The following SUMF1 variants were observed in gnomAD, a reference collection of about 807,000 sequenced individuals.
SUMF1 encodes sulfatase modifying factor 1.
In SUMF1, 48 loss-of-function variants were observed where a neutral mutation model predicts 47.6. The observed-to-expected ratio is 1.01, with a 90% CI of 0.80 to 1.28. The LOEUF is 1.28. Among genes scored for constraint, SUMF1 ranks in the 50% most tolerant of loss-of-function variants. The probability of loss-of-function intolerance (pLI) is 0.00; values close to 1 mark genes in which losing one functional copy is unlikely to be tolerated. For synonymous variants in SUMF1, 230 were observed against 192.1 expected, an observed-to-expected ratio of 1.20 and a Z score of -1.63; for missense variants, 571 against 485.4, an observed-to-expected ratio of 1.18 and a Z score of -1.66.
At chr3:4,055,309 A>G (rs1032718355) in intron 9 of SUMF1, among the ~76,000 whole-genome samples, 1 of 152,170 alleles carries the variant, frequency 6.6e-6, no homozygotes, top group Admixed American at 6.6e-5. Context: ...AGTGTTTACT[A>G]TATCTCAGAT....
At chr3:4,393,734 C>T (rs1008377203) in intron 7 of SUMF1, among the ~76,000 whole-genome samples, 3 of 152,056 alleles carry the variant, frequency 2.0e-5, no homozygotes, top group African/African-American at 7.2e-5. Flanking sequence ...CACATATTCT[C>T]ACCCATTCTT....
At chr3:4,365,021 C>T (rs564884164) in intron 8 of SUMF1, among the ~76,000 whole-genome samples, 53 of 151,934 alleles carry the variant, frequency 3.5e-4, no homozygotes, top group Non-Finnish European at 2.5e-4. Flanking sequence ...TGTAGTTGAG[C>T]GGTTTTGAGT....
At chr3:4,130,525 A>G (rs1489997662) in intron 8 of SUMF1, among the ~76,000 whole-genome samples, 1 of 152,184 alleles carries the variant, frequency 6.6e-6, no homozygotes, top group Non-Finnish European at 1.5e-5. Flanking sequence ...GGATCCAGTA[A>G]GTAAGAAGTA....
At chr3:4,330,694 C>CT (rs1699032711) in intron 8 of SUMF1, among the ~76,000 whole-genome samples, 1 of 152,156 alleles carries the variant, frequency 6.6e-6, no homozygotes, top group African/African-American at 2.4e-5. Flanking sequence ...ACTCAACTGT[C>CT]TTTTTTTCCA....
intron 8 of SUMF1, among the ~76,000 whole-genome samples, chr3:4,251,946 C>A (rs1200847167): frequency 6.6e-6 from 1 of 152,142 alleles, no homozygotes; most frequent in East Asian, 1.9e-4. Context: ...GTAGTGTAAA[C>A]ATAAATTCTA....
intron 8 of SUMF1, among the ~76,000 whole-genome samples, chr3:4,268,106 A>G (rs1190573618): frequency 1.3e-5 from 2 of 152,222 alleles, no homozygotes; most frequent in Non-Finnish European, 2.9e-5. Context: ...TGAAATTGGA[A>G]ATCATCATTC....
At chr3:4,066,503 C>G (rs1695378878) in intron 9 of SUMF1, among the ~76,000 whole-genome samples, 1 of 152,100 alleles carries the variant, frequency 6.6e-6, no homozygotes, top group African/African-American at 2.4e-5. Context: ...ACAAACTTTC[C>G]TTTCTCAGGA....
intron 8 of SUMF1, among the ~76,000 whole-genome samples, chr3:4,180,071 T>C (rs1044296247): frequency 1.3e-5 from 2 of 152,090 alleles, no homozygotes; most frequent in African/African-American, 2.4e-5. Flanking sequence ...TGTGGAGAAA[T>C]AGGAACGCTT....
intron 8 of SUMF1, among the ~76,000 whole-genome samples, chr3:4,175,700 C>T (rs1270120588): frequency 6.6e-6 from 1 of 152,116 alleles, no homozygotes; most frequent in African/African-American, 2.4e-5. Flanking sequence ...GACAGGATGA[C>T]AGAAGTAGGC....
intron 8 of SUMF1, among the ~76,000 whole-genome samples, chr3:4,212,778 T>C (rs886751431): frequency 2.6e-5 from 4 of 152,100 alleles, no homozygotes; most frequent in African/African-American, 4.8e-5. Flanking sequence ...CAAGTATCAA[T>C]AGCCGAATTG....
chr3:4,068,248 A>G (rs546474174), intron 9 of SUMF1, among the ~76,000 whole-genome samples: 3 of 152,136 alleles, frequency 2.0e-5, no homozygotes, highest in East Asian at 1.9e-4. Context: ...GAGCTTTATT[A>G]GCTTGCTCAG....
intron 8 of SUMF1, among the ~76,000 whole-genome samples, chr3:4,345,159 C>T (rs1032037637): frequency 6.6e-6 from 1 of 152,156 alleles, no homozygotes; most frequent in Non-Finnish European, 1.5e-5. Context: ...GACAGGCCAA[C>T]ACGCAAATTC....
chr3:4,243,485 G>A (rs2124999755), intron 8 of SUMF1, among the ~76,000 whole-genome samples: 1 of 152,296 alleles, frequency 6.6e-6, no homozygotes, highest in South Asian at 2.1e-4. Flanking sequence ...TGGTTTCAAA[G>A]AACATCTTTA....
At chr3:4,059,539 A>T (rs77166742) in intron 9 of SUMF1, among the ~76,000 whole-genome samples, 2,649 of 152,316 alleles carry the variant, frequency 0.017, 72 homozygotes, top group African/African-American at 0.061. Flanking sequence ...CAGCTGCTCA[A>T]CAAAACAAAG....
At chr3:4,229,537 G>T (rs565132022) in intron 8 of SUMF1, among the ~76,000 whole-genome samples, 6 of 152,170 alleles carry the variant, frequency 3.9e-5, no homozygotes, top group African/African-American at 1.4e-4. Context: ...TTGCTGTGAG[G>T]ACTACATGAA....
chr3:4,131,417 T>C lies in SUMF1; in HGVS notation c.1015-62672A>G, dbSNP rs60964246. On this transcript the variant is annotated intron_variant and NMD_transcript_variant, in intron 8 of 12. Transcript: ENST00000448413. ...AGAAGACTAGGCCCTGGTTCTCAAA[T>C]GGGTCTGCACAATATGCAAGCACCA... 1.3e-5 allele frequency among the ~76,000 whole-genome samples: 2 copies of C among 152,256 alleles called. 1 individual carries two copies. The highest frequency in any genetic ancestry group is 4.8e-5 in the African/African-American group (2 of 41,544).
chr3:4,208,080 C>G (rs1036143616), intron 8 of SUMF1, among the ~76,000 whole-genome samples: 4 of 152,102 alleles, frequency 2.6e-5, no homozygotes, highest in Admixed American at 2.6e-4. Context: ...TGCCAGATCA[C>G]TCTCTTCTTA....
At chr3:4,069,201 G>A (rs1223011371) in intron 8 of SUMF1, among the ~76,000 whole-genome samples, 3 of 149,780 alleles carry the variant, frequency 2.0e-5, no homozygotes, top group Non-Finnish European at 3.0e-5. Context: ...TTTATGGCAT[G>A]TAACAGGCAA....
At chr3:4,216,108 G>C (rs1432513973) in intron 8 of SUMF1, among the ~76,000 whole-genome samples, 1 of 152,122 alleles carries the variant, frequency 6.6e-6, no homozygotes, top group Non-Finnish European at 1.5e-5. Flanking sequence ...AAAGAACAAA[G>C]CTGGAGGCAT....
Sources: allele counts gnomAD v4.1 joint callset (sites outside exome capture counted in the v4.1 genomes callset), GRCh38; gene constraint gnomAD v4.1.1; transcripts MANE v1.5; gene names NCBI Gene and HGNC (gene_info 2026-07-23, HGNC 2026-07-21).